Variants in ACADSB observed in about 807,000 individuals in gnomAD.
ACADSB encodes short/branched chain specific acyl-CoA dehydrogenase, mitochondrial.
In ACADSB, 40 loss-of-function variants were observed where a neutral mutation model predicts 54.1. That is an observed-to-expected ratio of 0.74 (90% confidence interval 0.57 to 0.96). ACADSB has a LOEUF of 0.96. Among genes scored for constraint, ACADSB ranks in the 40% least tolerant of loss-of-function variants. The pLI is 0.00. For missense variants in ACADSB, 530 were observed against 510.4 expected, an observed-to-expected ratio of 1.04 and a Z score of -0.37; for synonymous variants, 182 against 182.8, an observed-to-expected ratio of 1.00 and a Z score of 0.03.
Position 123,044,445 on chromosome 10 carries a change from T to C in ACADSB, c.860T>C (p.Ile287Thr), listed in dbSNP as rs1240251793. The stretch of plus-strand genomic sequence containing the variant: ...ATTGGACATGGCTATAAGTATGCCA[T>C]AGGGAGTCTCAATGAAGGTAGAATA... Reference protein sequence around the residue: ...GQIGHGYKYAIGSLNEGRIGI... With the variant: ...GQIGHGYKYATGSLNEGRIGI... Residue 287 changes from isoleucine to threonine, a missense_variant, in exon 7 of 11, where the codon ATA becomes ACA. Physicochemically the swap from Ile to Thr is moderately conservative, Grantham distance 89 (BLOSUM62 -1). Transcript: ENST00000358776. The C allele has an allele frequency of 1.9e-6, 3 of 1,613,812 alleles. No homozygotes were observed. Among genetic ancestry groups the C allele is most frequent in the Admixed American group, 1.7e-5 (1 of 59,998 alleles).
intron 1 of ACADSB, among the ~76,000 whole-genome samples, chr10:123,011,748 A>G (rs1850039161): frequency 6.6e-6 from 1 of 151,950 alleles, no homozygotes; most frequent in Non-Finnish European, 1.5e-5. Context: ...CAAGATGGAA[A>G]TGGTCTCAAA....
intron 1 of ACADSB, among the ~76,000 whole-genome samples, chr10:123,020,857 G>T (rs4570518): frequency 6.6e-6 from 1 of 152,182 alleles, no homozygotes; most frequent in Admixed American, 6.5e-5. Context: ...ACAAAAATTA[G>T]CTGGGTGTGA....
intron 1 of ACADSB, among the ~76,000 whole-genome samples, chr10:123,030,273 C>T (rs917885683): frequency 3.3e-5 from 5 of 152,162 alleles, no homozygotes; most frequent in African/African-American, 1.2e-4. Flanking sequence ...CGCCAGTAAT[C>T]CCAGCACTCT....
chr10:123,036,085 C>G (rs539484261), intron 2 of ACADSB, among the ~76,000 whole-genome samples: 3 of 152,152 alleles, frequency 2.0e-5, no homozygotes, highest in African/African-American at 7.2e-5. Context: ...AAGTAAATTT[C>G]TTTTCTTTCT....
At position 123,052,403 on chromosome 10, in the gene ACADSB, C is replaced by T. The variant is rs1203578453; in HGVS notation, c.1129-658C>T. Among the ~76,000 whole-genome samples the T allele has an allele frequency of 6.6e-6, 1 of 152,190 alleles. No individual in the cohort carries two copies. Among genetic ancestry groups the T allele is most frequent in the Non-Finnish European group, 1.5e-5 (1 of 68,030 alleles). ...TTCAGATCTCTCTCTGACTCTGCTTCCTGTCTCCATGGTCACGTCACCTTC... is the reference window on the plus strand; with the variant it reads ...TTCAGATCTCTCTCTGACTCTGCTTTCTGTCTCCATGGTCACGTCACCTTC... On this transcript the variant is annotated intron_variant, in intron 9 of 10. Transcript: ENST00000358776. The surrounding 1 kb of genome is among the most constrained non-coding windows in gnomAD (Gnocchi z 4.2).
At position 123,022,311 on chromosome 10, in the gene ACADSB, G is replaced by A. The variant is rs185863073; in HGVS notation, c.43-12045G>A. On this transcript the variant is annotated intron_variant, in intron 1 of 10. Coordinates refer to ENST00000358776, the MANE Select transcript of ACADSB (RefSeq NM_001609.4). ...TGTCACACAGATATCAAACCAGAAA[G>A]GACTCATTCCCCAAGCCAAGATTGA... is the stretch of plus-strand genomic sequence containing the variant. Among the ~76,000 whole-genome samples, 11 of 152,228 alleles carry A rather than the reference G, an allele frequency of 7.2e-5. No homozygotes were observed. The East Asian group carries it at 1.7e-3, about 24-fold the overall frequency.
rs1487487234 is a variant in ACADSB, at chr10:123,055,788, A to G, written c.*2023A>G. On this transcript the variant is annotated 3_prime_UTR_variant, in exon 11 of 11. Transcript: ENST00000358776. ...AGTCCAAAATTCAGCAGGGCAGTCA[A>G]ATTTTAAACCTCCAAAATGATCACC... The G allele has an allele frequency of 2.0e-5, 3 of 152,204 alleles. No homozygotes were observed. The highest frequency in any genetic ancestry group is 7.2e-5 in the African/African-American group (3 of 41,448). The allele number at this position is 152,204 out of a possible 1,614,324, so 9.4% of individuals were successfully genotyped here.
At chr10:123,020,988 G>A (rs1487473483) in intron 1 of ACADSB, among the ~76,000 whole-genome samples, 1 of 152,166 alleles carries the variant, frequency 6.6e-6, no homozygotes, top group Non-Finnish European at 1.5e-5. Context: ...GGGTGACAGA[G>A]CAAAACTCCG....
rs192679421 is a variant in ACADSB, at chr10:123,015,551, G to A, written c.42+6480G>A. On this transcript the variant is annotated intron_variant, in intron 1 of 10. Transcript: ENST00000358776. ...GTCTCCATCCATGGCCAAATGTCCC[G>A]TGGGGGCAAAATTACTGGACTGAGA... Among the ~76,000 whole-genome samples the A allele has an allele frequency of 5.3e-5, 8 of 152,272 alleles. No homozygotes were observed. In the East Asian group the frequency reaches 1.2e-3, roughly 22 times the overall value.
chr10:123,038,773 C>G (rs1161220271), intron 3 of ACADSB, among the ~76,000 whole-genome samples: 1 of 152,154 alleles, frequency 6.6e-6, no homozygotes, highest in Non-Finnish European at 1.5e-5. Flanking sequence ...TTCCATCTTT[C>G]TTTTAGCAGT....
rs1850685979 is a variant in ACADSB, at chr10:123,054,979, A to G, written c.*1214A>G. 1 of 152,234 alleles carries G rather than the reference A, an allele frequency of 6.6e-6. No individual in the cohort carries two copies. The highest frequency in any genetic ancestry group is 1.9e-4 in the East Asian group (1 of 5,198). The allele number at this position is 152,234 out of a possible 1,614,324, so 9.4% of individuals were successfully genotyped here. A position where few individuals can be genotyped will look rare whatever the true frequency, so the allele number is the denominator to read the frequency against. On this transcript the variant is annotated 3_prime_UTR_variant, in exon 11 of 11. Transcript: ENST00000358776. ...TCTTGCCCATTAAGAAGTGTATCAAAATCTCATAAGGAATGAGGGAGAGAA... is the reference window on the plus strand; with the variant it reads ...TCTTGCCCATTAAGAAGTGTATCAAGATCTCATAAGGAATGAGGGAGAGAA...
chr10:123,039,978 A>AT (rs1193897957), intron 3 of ACADSB, among the ~76,000 whole-genome samples: 3 of 152,196 alleles, frequency 2.0e-5, no homozygotes, highest in South Asian at 2.1e-4. Flanking sequence ...TCTGTTACAG[A>AT]TTTTTTTGTT....
chr10:123,037,942 T>C (rs759118781), intron 3 of ACADSB, 95 bp downstream of exon 3: 19 of 949,448 alleles, frequency 2.0e-5, no homozygotes, highest in African/African-American at 1.5e-4. Flanking sequence ...CAGTCAAAAT[T>C]ATCTGTTTTC....
chr10:123,050,530 T>C (rs1211136692), intron 8 of ACADSB, among the ~76,000 whole-genome samples: 5 of 152,232 alleles, frequency 3.3e-5, no homozygotes, highest in South Asian at 2.1e-4. Flanking sequence ...TTGGCAAACA[T>C]TTAGTATGGA....
At chr10:123,046,519 C>T (rs1265156914) in intron 7 of ACADSB, among the ~76,000 whole-genome samples, 2 of 152,104 alleles carry the variant, frequency 1.3e-5, no homozygotes, top group African/African-American at 4.8e-5. Flanking sequence ...TGTTCTCAAC[C>T]CTAGCTGTGT....
At chr10:123,016,294 T>A (rs1448626499) in intron 1 of ACADSB, among the ~76,000 whole-genome samples, 1 of 152,234 alleles carries the variant, frequency 6.6e-6, no homozygotes, top group African/African-American at 2.4e-5. Context: ...ACTCCAGGGA[T>A]GCCTTGTGGT....
rs147936696 is a variant in ACADSB, at chr10:123,037,848, G to A, written c.303+1G>A. ...AATACAAGGATTATTTCAACAAGGGGTACATTTCATAATTCTTCCACTTTC... is the reference window on the plus strand; with the variant it reads ...AATACAAGGATTATTTCAACAAGGGATACATTTCATAATTCTTCCACTTTC... On this transcript the variant is annotated splice_donor_variant, in intron 3 of 10. Transcript: ENST00000358776. LOFTEE classifies it high-confidence loss of function. 4.4e-4 allele frequency: 678 copies of A among 1,556,270 alleles called. 1 individual carries two copies. Among genetic ancestry groups the A allele is most frequent in the Non-Finnish European group, 5.6e-4 (628 of 1,127,804 alleles).
At chr10:123,024,218 C>T (rs765509288) in intron 1 of ACADSB, among the ~76,000 whole-genome samples, 1 of 152,102 alleles carries the variant, frequency 6.6e-6, no homozygotes, top group Non-Finnish European at 1.5e-5. Flanking sequence ...TTGTCCTTAG[C>T]CAGTCAAATA....
rs1397838046 is a variant in ACADSB at position 123,034,494 on chromosome 10, GA to G, written c.184del (p.Met62Ter). 3 of 1,610,112 alleles carry G rather than the reference GA, an allele frequency of 1.9e-6. No homozygotes were observed. The African/African-American group carries it at 4.0e-5, about 21-fold the overall frequency. On this transcript the variant is annotated frameshift_variant, in exon 2 of 11. Transcript: ENST00000358776. LOFTEE classifies it high-confidence loss of function. ...TCCCCTGCAAACATTTACAGATGAGGAAATGATGATAAAGAGTTCAGGTAAG... is the reference window on the plus strand; with the variant it reads ...TCCCCTGCAAACATTTACAGATGAGGAATGATGATAAAGAGTTCAGGTAAG... ...FAPLQTFTDE[E>X]MMIKSSVKKF...
Sources: gnomAD v4.1 joint callset for allele counts (sites outside exome capture counted in the v4.1 genomes callset) on GRCh38, gnomAD v4.1.1 for gene constraint, Gnocchi (gnomAD v3.1) non-coding constraint, MANE v1.5 for transcripts, NCBI Gene and HGNC (gene_info 2026-07-23, HGNC 2026-07-21) for gene names.